Variants in RFC2 observed in about 807,000 individuals in gnomAD.
RFC2 encodes A1 40 kDa subunit.
A neutral mutation model predicts 44.8 loss-of-function variants in RFC2; 34 were observed. The ratio of observed to expected loss-of-function variants is 0.76; its 90% CI spans 0.58 to 1.01. RFC2 has a LOEUF of 1.01. Ranked by LOEUF, RFC2 falls within the 50% of genes least tolerant of loss-of-function variation. RFC2 has a pLI of 0.00. For synonymous variants in RFC2, 177 were observed against 168.9 expected (o/e 1.05, Z -0.37); for missense variants, 400 against 453.6 (o/e 0.88, Z 1.07).
chr7:74,245,285 G>T (rs1013008287), intron 5 of RFC2, among the ~76,000 whole-genome samples: 24 of 151,764 alleles, frequency 1.6e-4, no homozygotes, highest in African/African-American at 5.1e-4. Context: ...CTCCCAAAGT[G>T]CTGGGATTAC....
At chr7:74,252,612 C>A in intron 1 of RFC2, 114 bp from the exon 2 acceptor site, 1 of 720,806 alleles carries the variant, frequency 1.4e-6, no homozygotes, top group Non-Finnish European at 2.5e-6. Context: ...TTCAGTACAA[C>A]TATGCCAAAT....
chr7:74,233,639 C>T (rs1366544673), intron 10 of RFC2: 2 of 163,784 alleles, frequency 1.2e-5, no homozygotes, highest in Middle Eastern at 2.6e-3. Flanking sequence ...TCACTCTTGT[C>T]GCCCAAGCTG....
At chr7:74,245,195 A>G (rs1343478248) in intron 5 of RFC2, among the ~76,000 whole-genome samples, 1 of 151,540 alleles carries the variant, frequency 6.6e-6, no homozygotes, top group African/African-American at 2.4e-5. Flanking sequence ...ACACCTGGCT[A>G]ATTTTGTATT....
intron 10 of RFC2, among the ~76,000 whole-genome samples, chr7:74,233,203 CCT>C (rs1802823411): frequency 6.6e-6 from 1 of 151,882 alleles, no homozygotes; most frequent in Non-Finnish European, 1.5e-5. Flanking sequence ...AGAGCAAGAC[CCT>C]GTCTCTCAAA....
At chr7:74,234,472 A>G (rs1386842089) in intron 10 of RFC2, among the ~76,000 whole-genome samples, 2 of 152,084 alleles carry the variant, frequency 1.3e-5, no homozygotes, top group Admixed American at 1.3e-4. Context: ...TGAAAAATCA[A>G]TCAATCAGTC....
intron 2 of RFC2, among the ~76,000 whole-genome samples, chr7:74,250,528 T>C (rs1329231961): frequency 3.9e-5 from 6 of 152,172 alleles, no homozygotes; most frequent in African/African-American, 1.2e-4. Context: ...GTCTATGCCA[T>C]GAAGTTGAGG....
In RFC2 at chr7:74,238,951, C is replaced by G; in HGVS notation, c.731G>C (p.Gly244Ala). The stretch of plus-strand genomic sequence containing the variant: ...GAACACGTTCTCACTGTTAATGAAG[C>G]CAAATCCTGAGAAGGTGGACTGCAG... ...NNLQSTFSGF[G>A]FINSENVFKV... Residue 244 changes from glycine to alanine, a missense_variant, in exon 8 of 11, where the codon GGC becomes GCC. Coordinates refer to ENST00000055077, the MANE Select transcript of RFC2 (RefSeq NM_181471.3). The surrounding 1 kb of genome is among the most constrained non-coding windows in gnomAD (Gnocchi z 4.0). The G allele has an allele frequency of 6.2e-7, 1 of 1,614,022 alleles. No individual in the cohort carries two copies. The highest frequency in any genetic ancestry group is 8.5e-7 in the Non-Finnish European group (1 of 1,179,928).
chr7:74,249,494 T>C (rs572900448), intron 3 of RFC2, among the ~76,000 whole-genome samples: 1 of 151,726 alleles, frequency 6.6e-6, no homozygotes, highest in South Asian at 2.1e-4. Flanking sequence ...TGAGCAGAGA[T>C]TGCACCACTG....
Position 74,237,361 on chromosome 7 carries a change from C to G in RFC2, c.840+1G>C. On this transcript the variant is annotated splice_donor_variant, in intron 9 of 10. Coordinates refer to ENST00000055077, the MANE Select transcript of RFC2 (RefSeq NM_181471.3). LOFTEE classifies it high-confidence loss of function. The stretch of plus-strand genomic sequence containing the variant: ...GCCAGGACGGGGGGAAGGAGGCCAA[C>G]CTTGTAGGCTTCGTCAATGTTGGCA... 1 of 1,602,860 alleles carries G rather than the reference C, an allele frequency of 6.2e-7. No individual in the cohort carries two copies. The highest frequency in any genetic ancestry group is 2.2e-5 in the East Asian group (1 of 44,640).
chr7:74,248,079 A>T (rs3135664), intron 4 of RFC2, among the ~76,000 whole-genome samples: 11,931 of 151,934 alleles, frequency 0.079, 493 homozygotes, highest in East Asian at 0.092. Flanking sequence ...ATAGGCATGA[A>T]CCACCATGCC....
chr7:74,232,219 GA>G lies in RFC2; in HGVS notation c.955-4del, dbSNP rs1802770247. 1.3e-6 allele frequency: 2 copies of G among 1,568,570 alleles called. No individual in the cohort carries two copies. Among genetic ancestry groups the G allele is most frequent in the Non-Finnish European group, 1.8e-6 (2 of 1,139,858 alleles). On this transcript the variant is annotated splice_region_variant and splice_polypyrimidine_tract_variant and intron_variant, in intron 10 of 10. Transcript: ENST00000055077. ...TTCATGTGAGTGTATCCAATTTCCT[GA>G]AAAACAAACCAAATTCAAATCTGGT...
rs56305306 is a variant in RFC2 at position 74,231,903 on chromosome 7, C to T, written c.*203G>A. 2.1e-4 allele frequency: 94 copies of T among 447,972 alleles called. No homozygotes were observed. The highest frequency in any genetic ancestry group is 1.8e-3 in the African/African-American group (89 of 49,794). The allele number at this position is 447,972 out of a possible 1,614,324, so 27.7% of individuals were successfully genotyped here. On this transcript the variant is annotated 3_prime_UTR_variant, in exon 11 of 11. Transcript: ENST00000055077. ...CCATGTTGGCCAGGCTGGTCTTGAA[C>T]TTCTGACCTCAGGTGATCCACCTGC... is the stretch of plus-strand genomic sequence containing the variant.
In RFC2 at chr7:74,238,831, G is replaced by T; in HGVS notation, c.759+92C>A. 1.0e-6 allele frequency: 1 copy of T among 1,001,710 alleles called. No individual in the cohort carries two copies. Among genetic ancestry groups the T allele is most frequent in the Non-Finnish European group, 1.6e-6 (1 of 634,098 alleles). The allele number at this position is 1,001,710 out of a possible 1,614,324, so 62.1% of individuals were successfully genotyped here. The stretch of plus-strand genomic sequence containing the variant: ...CACCCACAAGAGCAGCTAGATGTCC[G>T]TCCCCACTGCCAGCCCAGCCCTTCA... On this transcript the variant is annotated intron_variant, in intron 8 of 10. Coordinates refer to ENST00000055077, the MANE Select transcript of RFC2 (RefSeq NM_181471.3). The surrounding 1 kb of genome is among the most constrained non-coding windows in gnomAD (Gnocchi z 4.0).
Position 74,240,042 on chromosome 7 carries a change from G to A in RFC2, c.589C>T (p.Gln197Ter), listed in dbSNP as rs1803238588. The part of the protein sequence containing the change: ...VLRYTKLTDA[Q>*]ILTRLMNVIE... ...ACATTCATCAGCCTGGTGAGGATCTGGGCGTCGGTCAGCTTTGTGTACCGG... is the reference window on the plus strand; with the variant it reads ...ACATTCATCAGCCTGGTGAGGATCTAGGCGTCGGTCAGCTTTGTGTACCGG... Residue 197 changes from glutamine (Q) to a stop codon, truncating the protein, a stop_gained, in exon 7 of 11, where the codon CAG (glutamine) becomes TAG (stop). Transcript: ENST00000055077. LOFTEE classifies it high-confidence loss of function. 1.2e-6 allele frequency: 2 copies of A among 1,614,078 alleles called. No individual in the cohort carries two copies. The highest frequency in any genetic ancestry group is 1.7e-6 in the Non-Finnish European group (2 of 1,179,974).
rs181403450 is a variant in RFC2, at chr7:74,237,959, A to G, written c.760-517T>C. Among the ~76,000 whole-genome samples the G allele has an allele frequency of 2.6e-4, 39 of 152,242 alleles. No homozygotes were observed. The East Asian group carries it at 7.4e-3, about 29-fold the overall frequency. On this transcript the variant is annotated intron_variant, in intron 8 of 10. Coordinates refer to ENST00000055077, the MANE Select transcript of RFC2 (RefSeq NM_181471.3). Reference sequence around the variant, plus strand: ...CCGTCCTCCCTGCAGCATTCTCCGCAGTGGCATGAGGCTCTGCCTCTGGTA... The same window carrying G: ...CCGTCCTCCCTGCAGCATTCTCCGCGGTGGCATGAGGCTCTGCCTCTGGTA...
chr7:74,238,946 T>C lies in RFC2; in HGVS notation c.736A>G (p.Ile246Val), dbSNP rs782787936. Residue 246 changes from isoleucine to valine, a missense_variant, in exon 8 of 11, where the codon ATT becomes GTT. Coordinates refer to ENST00000055077, the MANE Select transcript of RFC2 (RefSeq NM_181471.3). The surrounding 1 kb of genome is among the most constrained non-coding windows in gnomAD (Gnocchi z 4.0). ...LQSTFSGFGFINSENVFKVCD... is the reference protein window; with the variant it reads ...LQSTFSGFGFVNSENVFKVCD... ...ACCTTGAACACGTTCTCACTGTTAA[T>C]GAAGCCAAATCCTGAGAAGGTGGAC... 1.2e-6 allele frequency: 2 copies of C among 1,614,060 alleles called. No individual in the cohort carries two copies. Among genetic ancestry groups the C allele is most frequent in the South Asian group, 1.1e-5 (1 of 91,088 alleles).
chr7:74,249,168 G>A (rs781817184), intron 3 of RFC2, 50 bp from the exon 4 acceptor site: 2 of 1,611,820 alleles, frequency 1.2e-6, no homozygotes, highest in East Asian at 4.5e-5. Context: ...AAGGACCTCA[G>A]GTAGCTCTTG....
chr7:74,251,437 G>T (rs1333519138), intron 2 of RFC2, among the ~76,000 whole-genome samples: 2 of 152,066 alleles, frequency 1.3e-5, no homozygotes, highest in African/African-American at 4.8e-5. Context: ...TAATCTGCCC[G>T]CCTTAGCCTC....
At position 74,253,434 on chromosome 7, in the gene RFC2, G is replaced by A. The variant is rs570012186; in HGVS notation, c.113+837C>T. 3.1e-4 allele frequency among the ~76,000 whole-genome samples: 47 copies of A among 152,144 alleles called. No individual in the cohort carries two copies. The East Asian group carries it at 3.5e-3, about 11-fold the overall frequency. On this transcript the variant is annotated intron_variant, in intron 1 of 10. Coordinates refer to ENST00000055077, the MANE Select transcript of RFC2 (RefSeq NM_181471.3). The stretch of plus-strand genomic sequence containing the variant: ...TACACAGCATAGCTGGCTAGACACC[G>A]TAGGCCTAGGCTGGGTACAGTGGCT...
Sources: allele counts gnomAD v4.1 joint callset (sites outside exome capture counted in the v4.1 genomes callset), GRCh38; gene constraint gnomAD v4.1.1; non-coding constraint Gnocchi (gnomAD v3.1); transcripts MANE v1.5; gene names NCBI Gene and HGNC (gene_info 2026-07-23, HGNC 2026-07-21).